The following EIF4G3 variants were observed in gnomAD, a reference collection of about 807,000 sequenced individuals.
EIF4G3 encodes the protein eukaryotic translation initiation factor 4 gamma 3, also known as eIF-4-gamma 3.
A neutral mutation model predicts 186.4 loss-of-function variants in EIF4G3; 34 were observed. The observed-to-expected ratio is 0.18, with a 90% CI of 0.14 to 0.24. The LOEUF is 0.24. EIF4G3 is among the 10% of genes least tolerant of loss of function. EIF4G3 has a pLI of 1.00. For missense variants in EIF4G3, 1,536 were observed against 1,948.5 expected (o/e 0.79, Z 3.99); for synonymous variants, 673 against 679.5 (o/e 0.99, Z 0.15).
At chr1:21,052,442 G>A (rs1258161819) in intron 3 of EIF4G3, among the ~76,000 whole-genome samples, 1 of 152,162 alleles carries the variant, frequency 6.6e-6, no homozygotes, top group African/African-American at 2.4e-5. Context: ...AGACTTCTCA[G>A]AATCGTGTTA....
At chr1:20,826,710 G>A (rs761036967) in intron 32 of EIF4G3, among the ~76,000 whole-genome samples, 19 of 151,214 alleles carry the variant, frequency 1.3e-4, no homozygotes, top group Non-Finnish European at 2.4e-4. Context: ...GGATGGTCTC[G>A]ATCTCTTAAC....
intron 3 of EIF4G3, among the ~76,000 whole-genome samples, chr1:21,063,311 T>C (rs2095030774): frequency 6.6e-6 from 1 of 152,100 alleles, no homozygotes; most frequent in Non-Finnish European, 1.5e-5. Context: ...GACTTACACT[T>C]TGAGAACAAC....
intron 3 of EIF4G3, among the ~76,000 whole-genome samples, chr1:21,078,986 A>G (rs558777044): frequency 1.7e-4 from 26 of 152,288 alleles, no homozygotes; most frequent in African/African-American, 5.8e-4. Flanking sequence ...CTCCATCTCA[A>G]ATAAATAAAT....
chr1:21,075,746 T>C (rs1043095444), intron 3 of EIF4G3, among the ~76,000 whole-genome samples: 2 of 151,862 alleles, frequency 1.3e-5, no homozygotes, highest in Non-Finnish European at 2.9e-5. Context: ...GTATACCATA[T>C]GATGATAAAC....
intron 2 of EIF4G3, among the ~76,000 whole-genome samples, chr1:21,102,958 G>A (rs1268353617): frequency 6.6e-6 from 1 of 151,954 alleles, no homozygotes; most frequent in African/African-American, 2.4e-5. Flanking sequence ...ACCTTTACTA[G>A]TACTAAAAAT....
chr1:20,886,902 T>TG (rs2084356853), intron 18 of EIF4G3, among the ~76,000 whole-genome samples: 1 of 152,044 alleles, frequency 6.6e-6, no homozygotes, highest in Non-Finnish European at 1.5e-5. Context: ...AATTACTCCC[T>TG]GAAAAAAAAG....
intron 2 of EIF4G3, among the ~76,000 whole-genome samples, chr1:21,162,956 C>A (rs560767126): frequency 8.1e-4 from 124 of 152,236 alleles, no homozygotes; most frequent in Admixed American, 2.6e-3. Flanking sequence ...GCCCTAACCT[C>A]CCCTCAGCCT....
chr1:20,902,697 C>T (rs1205863939), intron 15 of EIF4G3, among the ~76,000 whole-genome samples: 1 of 152,142 alleles, frequency 6.6e-6, no homozygotes, highest in Non-Finnish European at 1.5e-5. Context: ...CTGGAGTGCA[C>T]TGGCACAATC....
intron 2 of EIF4G3, among the ~76,000 whole-genome samples, chr1:21,093,851 A>T (rs2096275186): frequency 6.6e-6 from 1 of 152,126 alleles, no homozygotes; most frequent in African/African-American, 2.4e-5. Flanking sequence ...AACTATCACA[A>T]GGACAAAAAA....
chr1:20,872,413 A>T (rs751961872), intron 20 of EIF4G3, among the ~76,000 whole-genome samples: 4 of 152,126 alleles, frequency 2.6e-5, no homozygotes, highest in African/African-American at 4.8e-5. Context: ...ATGAGCCACC[A>T]CAGCTGGCCA....
At chr1:20,826,414 G>T (rs891137611) in intron 32 of EIF4G3, among the ~76,000 whole-genome samples, 2 of 147,358 alleles carry the variant, frequency 1.4e-5, no homozygotes, top group Non-Finnish European at 3.0e-5. Context: ...TGATCCACCC[G>T]CCTCGGCCTC....
chr1:20,918,698 TA>T lies in EIF4G3; in HGVS notation c.1664-13728del, dbSNP rs1159022730. Reference sequence around the variant, plus strand: ...AAAACTTTTAAATATATCCTCCTAGTATCTTTTTTTTTTTTTTTTTTTTTTT... The same window carrying T: ...AAAACTTTTAAATATATCCTCCTAGTTCTTTTTTTTTTTTTTTTTTTTTTT... On this transcript the variant is annotated intron_variant, in intron 14 of 36. Transcript: ENST00000602326. 2.8e-4 allele frequency among the ~76,000 whole-genome samples: 39 copies of T among 138,992 alleles called. 1 individual carries two copies. Among genetic ancestry groups the T allele is most frequent in the African/African-American group, 9.8e-4 (37 of 37,754 alleles). The allele number at this position is 138,992 out of a possible 152,430, so 91.2% of individuals were successfully genotyped here. A position where few individuals can be genotyped will look rare whatever the true frequency, so the allele number is the denominator to read the frequency against.
intron 25 of EIF4G3, 58 bp from the exon 26 acceptor site, chr1:20,855,129 C>T: frequency 7.2e-7 from 1 of 1,395,472 alleles, no homozygotes. Context: ...AATAGTTTTT[C>T]TTTTATTTTT....
At chr1:20,933,837 G>A (rs534816359) in intron 14 of EIF4G3, among the ~76,000 whole-genome samples, 8 of 152,278 alleles carry the variant, frequency 5.3e-5, no homozygotes, top group African/African-American at 1.9e-4. Flanking sequence ...AGTATTGGAT[G>A]TACTGAATTT....
At chr1:21,056,730 C>A (rs905003992) in intron 3 of EIF4G3, among the ~76,000 whole-genome samples, 1 of 152,112 alleles carries the variant, frequency 6.6e-6, no homozygotes, top group Non-Finnish European at 1.5e-5. Context: ...GCAACAAGTT[C>A]TCATACAAAG....
At chr1:21,112,908 G>T (rs546540246) in intron 2 of EIF4G3, among the ~76,000 whole-genome samples, 1 of 152,026 alleles carries the variant, frequency 6.6e-6, no homozygotes, top group South Asian at 2.1e-4. Flanking sequence ...ACCAAAAAAA[G>T]TTTTGAAAAA....
chr1:21,139,452 C>G (rs1025576436), intron 2 of EIF4G3, among the ~76,000 whole-genome samples: 1 of 151,916 alleles, frequency 6.6e-6, no homozygotes, highest in Non-Finnish European at 1.5e-5. Context: ...GAGACCCTGT[C>G]TCGGAAAAAA....
intron 3 of EIF4G3, among the ~76,000 whole-genome samples, chr1:21,074,279 C>T (rs1378962323): frequency 6.6e-6 from 1 of 152,142 alleles, no homozygotes; most frequent in Non-Finnish European, 1.5e-5. Flanking sequence ...ATCTCCTCAA[C>T]CCTCACCAGC....
intron 7 of EIF4G3, among the ~76,000 whole-genome samples, chr1:20,989,012 GTAA>G (rs2080238993): frequency 7.9e-6 from 1 of 126,980 alleles, no homozygotes; most frequent in Non-Finnish European, 1.6e-5. Flanking sequence ...GCTAGCCCAG[GTAA>G]CATCGTGAGA....
Sources: allele counts gnomAD v4.1 joint callset (sites outside exome capture counted in the v4.1 genomes callset), GRCh38; gene constraint gnomAD v4.1.1; transcripts MANE v1.5; gene names NCBI Gene and HGNC (gene_info 2026-07-23, HGNC 2026-07-21).